CCDC50: variants seen among roughly 807,000 people sequenced by gnomAD.
The protein encoded by CCDC50 is coiled-coil domain containing 50, also known as coiled-coil domain-containing protein 50.
In CCDC50, 54 loss-of-function variants were observed where a neutral mutation model predicts 70.2. That is an observed-to-expected ratio of 0.77 (90% CI 0.62 to 0.96). The LOEUF (loss-of-function observed/expected upper bound fraction) is 0.96. Ranked by LOEUF, CCDC50 falls within the 50% of genes least tolerant of loss-of-function variation. The pLI is 0.00. For synonymous variants in CCDC50, 216 were observed against 198.8 expected (o/e 1.09, Z -0.73); for missense variants, 558 against 578.7 (o/e 0.96, Z 0.37).
At chr3:191,373,953 T>A (rs1466194412) in intron 5 of CCDC50, among the ~76,000 whole-genome samples, 3 of 152,164 alleles carry the variant, frequency 2.0e-5, no homozygotes, top group Non-Finnish European at 4.4e-5. Flanking sequence ...AAGGAAAACG[T>A]ATAGTTTTTT....
At chr3:191,359,637 CAG>C (rs1712414011) in intron 3 of CCDC50, among the ~76,000 whole-genome samples, 1 of 151,712 alleles carries the variant, frequency 6.6e-6, no homozygotes, top group Non-Finnish European at 1.5e-5. Flanking sequence ...ACAGTGGTGA[CAG>C]AGAGGAAGGA....
At chr3:191,382,655 A>G in intron 9 of CCDC50, 91 bp from the exon 10 acceptor site, 1 of 827,918 alleles carries the variant, frequency 1.2e-6, no homozygotes. Context: ...CATGATAAAC[A>G]TACGTTAAAC....
intron 1 of CCDC50, among the ~76,000 whole-genome samples, chr3:191,346,109 G>A (rs1291291092): frequency 2.0e-5 from 3 of 152,096 alleles, no homozygotes; most frequent in African/African-American, 7.2e-5. Flanking sequence ...ACAAATTTGG[G>A]ACCATATGTG....
Position 191,380,925 on chromosome 3 carries a change from A to C in CCDC50, c.1235A>C (p.Glu412Ala). 1 of 1,611,424 alleles carries C rather than the reference A, an allele frequency of 6.2e-7. No homozygotes were observed. The highest frequency in any genetic ancestry group is 8.5e-7 in the Non-Finnish European group (1 of 1,178,210). Residue 412 changes from glutamate to alanine, a missense_variant, in exon 9 of 12, where the codon GAG becomes GCG. Glu to Ala is a moderately radical substitution (Grantham distance 107). Transcript: ENST00000392455. ...SSLDKRKQDP[E>A]WKPKTAKAAN... The stretch of plus-strand genomic sequence containing the variant: ...TTGGACAAAAGAAAGCAAGACCCCG[A>C]GTGGAAGGTAGAGTGTGTTTTGTTT...
rs762356341 is a variant in CCDC50, at chr3:191,380,115, T to A, written c.977-44T>A. 3.3e-6 allele frequency: 4 copies of A among 1,215,580 alleles called. No individual in the cohort carries two copies. In the African/African-American group the frequency reaches 6.2e-5, roughly 19 times the overall value. 75.3% of individuals were successfully genotyped at this position (1,215,580 alleles called of 1,614,324 possible). A position where few individuals can be genotyped will look rare whatever the true frequency, so the allele number is the denominator to read the frequency against. On this transcript the variant is annotated intron_variant, in intron 6 of 11. Transcript: ENST00000392455. ...AAATTTCTTAACTTTTCAGAAAACATCCTCGGTTGTTTTATTACATTGAGT... is the reference window on the plus strand; with the variant it reads ...AAATTTCTTAACTTTTCAGAAAACAACCTCGGTTGTTTTATTACATTGAGT...
At position 191,358,017 on chromosome 3, in the gene CCDC50, G is replaced by C. The variant is rs370652793; in HGVS notation, c.132G>C (p.Ser44=). 6.2e-6 allele frequency: 10 copies of C among 1,613,766 alleles called. No homozygotes were observed. In the African/African-American group the frequency reaches 1.3e-4, roughly 22 times the overall value. The change falls in exon 3 of 12, where the codon TCG becomes TCC. Residue 44 remains serine, a synonymous_variant. Coordinates refer to ENST00000392455, the MANE Select transcript of CCDC50 (RefSeq NM_178335.3). The stretch of plus-strand genomic sequence containing the variant: ...TTCCAGTTGAGCATCATTTGGCATC[G>C]AACGTTCAGCGGAACCGTTTGGTCC... ...QEQEIEHHLA[S]NVQRNRLVQH...
intron 4 of CCDC50, among the ~76,000 whole-genome samples, chr3:191,366,186 C>G (rs1712682656): frequency 6.6e-6 from 1 of 152,076 alleles, no homozygotes; most frequent in Non-Finnish European, 1.5e-5. Flanking sequence ...AAGATAAGAA[C>G]GTTAATGATA....
chr3:191,371,094 T>C (rs1712897913), intron 5 of CCDC50, among the ~76,000 whole-genome samples: 1 of 152,208 alleles, frequency 6.6e-6, no homozygotes, highest in South Asian at 2.1e-4. Flanking sequence ...CCTAGGCCGA[T>C]GGTTTAGCCT....
At chr3:191,372,222 G>A (rs1376919030) in intron 5 of CCDC50, among the ~76,000 whole-genome samples, 6 of 152,078 alleles carry the variant, frequency 3.9e-5, no homozygotes, top group South Asian at 4.1e-4. Flanking sequence ...TAATTACTCC[G>A]ATAAATTTGT....
intron 1 of CCDC50, among the ~76,000 whole-genome samples, chr3:191,353,202 A>G (rs531040162): frequency 1.4e-5 from 2 of 142,404 alleles, no homozygotes; most frequent in South Asian, 4.4e-4. Flanking sequence ...CACTGGGAAA[A>G]TGTCTGGGCA....
intron 1 of CCDC50, among the ~76,000 whole-genome samples, chr3:191,348,307 C>A (rs1278351829): frequency 7.1e-6 from 1 of 141,768 alleles, no homozygotes; most frequent in African/African-American, 2.5e-5. Flanking sequence ...TTGCAAGCCT[C>A]TCCCATTCTC....
chr3:191,372,429 C>G (rs965623701), intron 5 of CCDC50, among the ~76,000 whole-genome samples: 15 of 152,112 alleles, frequency 9.9e-5, no homozygotes, highest in East Asian at 3.9e-4. Context: ...AGACCAAGTG[C>G]AGTTCCACAG....
intron 5 of CCDC50, among the ~76,000 whole-genome samples, chr3:191,374,449 C>G (rs1042875820): frequency 1.3e-5 from 2 of 151,484 alleles, no homozygotes; most frequent in Non-Finnish European, 2.9e-5. Flanking sequence ...AAATTCTCAT[C>G]TACTTGATCC....
chr3:191,333,901 A>G (rs916896957), intron 1 of CCDC50, among the ~76,000 whole-genome samples: 2 of 152,154 alleles, frequency 1.3e-5, no homozygotes, highest in African/African-American at 4.8e-5. Flanking sequence ...TGTCTTGTAA[A>G]TAGAATTCAT....
chr3:191,354,754 G>A (rs1478289743), intron 1 of CCDC50, among the ~76,000 whole-genome samples: 1 of 152,116 alleles, frequency 6.6e-6, no homozygotes, highest in East Asian at 1.9e-4. Flanking sequence ...CTTCGTATTT[G>A]TGGGGTGGGG....
At position 191,395,635 on chromosome 3, in the gene CCDC50, C is replaced by T. The variant is rs1713837269; in HGVS notation, c.*3875C>T. On this transcript the variant is annotated 3_prime_UTR_variant, in exon 12 of 12. Coordinates refer to ENST00000392455, the MANE Select transcript of CCDC50 (RefSeq NM_178335.3). ...ATAGAATAGAACTTGCAGCCAAAGG[C>T]TTTTTCCCTTTTGAGAAGACGGTAT... is the stretch of plus-strand genomic sequence containing the variant. 6.6e-6 allele frequency: 1 copy of T among 152,130 alleles called. No individual in the cohort carries two copies. The highest frequency in any genetic ancestry group is 2.1e-4 in the South Asian group (1 of 4,830). The allele number at this position is 152,130 out of a possible 1,614,324, so 9.4% of individuals were successfully genotyped here.
chr3:191,391,655 T>TTA lies in CCDC50; in HGVS notation c.1430-84_1430-83dup. The TTA allele has an allele frequency of 2.6e-6, 3 of 1,158,308 alleles. No individual in the cohort carries two copies. In the South Asian group the frequency reaches 3.8e-5, roughly 15 times the overall value. The allele number at this position is 1,158,308 out of a possible 1,614,324, so 71.8% of individuals were successfully genotyped here. On this transcript the variant is annotated intron_variant, in intron 11 of 11. Transcript: ENST00000392455. The stretch of plus-strand genomic sequence containing the variant: ...CTATTAGAAATGTATAGAAATAAAG[T>TTA]TATTTTACTTGGGCAGGGAGAAAAA...
chr3:191,340,043 A>G (rs1193420072), intron 1 of CCDC50, among the ~76,000 whole-genome samples: 1 of 152,230 alleles, frequency 6.6e-6, no homozygotes, highest in Non-Finnish European at 1.5e-5. Flanking sequence ...TACATGATGT[A>G]TAATACTTGT....
intron 1 of CCDC50, among the ~76,000 whole-genome samples, chr3:191,352,094 C>T (rs1033768382): frequency 7.0e-6 from 1 of 142,028 alleles, no homozygotes; most frequent in African/African-American, 2.5e-5. Context: ...ATAACTGTTC[C>T]AGTGTTTATG....
Sources: allele counts gnomAD v4.1 joint callset (sites outside exome capture counted in the v4.1 genomes callset), GRCh38; gene constraint gnomAD v4.1.1; transcripts MANE v1.5; gene names NCBI Gene and HGNC (gene_info 2026-07-23, HGNC 2026-07-21).